Variants in CEMIP observed in about 807,000 individuals in gnomAD.
The protein encoded by CEMIP is cell migration-inducing and hyaluronan-binding protein.
A neutral mutation model predicts 156.9 loss-of-function variants in CEMIP; 105 were observed. That is an observed-to-expected ratio of 0.67 (90% CI 0.57 to 0.79). CEMIP has a LOEUF of 0.79. Ranked by LOEUF, CEMIP falls within the 30% of genes least tolerant of loss-of-function variation. CEMIP has a pLI of 0.00. For synonymous variants in CEMIP, 676 were observed against 668.4 expected (o/e 1.01, Z -0.17); for missense variants, 1,457 against 1,769.4 (o/e 0.82, Z 3.17).
chr15:80,932,361 T>C lies in CEMIP; in HGVS notation c.2793+322T>C, dbSNP rs139871929. ...AGGGACTTGACTTTGACAAACTGAG[T>C]CTTCTGACCAGGCCACCTGAGTTGG... On this transcript the variant is annotated intron_variant, in intron 22 of 29. Coordinates refer to ENST00000394685, the MANE Select transcript of CEMIP (RefSeq NM_001293298.2). This position sits in a 1 kb window ranked among gnomAD's most constrained non-coding sequence, Gnocchi z 4.5. 6.6e-6 allele frequency among the ~76,000 whole-genome samples: 1 copy of C among 152,088 alleles called. No homozygotes were observed. The highest frequency in any genetic ancestry group is 2.4e-5 in the African/African-American group (1 of 41,482).
chr15:80,831,087 G>A (rs2141678217), intron 1 of CEMIP, among the ~76,000 whole-genome samples: 1 of 152,290 alleles, frequency 6.6e-6, no homozygotes, highest in East Asian at 1.9e-4. Flanking sequence ...CCTTGGTCTA[G>A]CCTTCCAACC....
Position 80,921,015 on chromosome 15 carries a change from C to T in CEMIP, c.2004-17C>T, listed in dbSNP as rs1900451776. On this transcript the variant is annotated splice_polypyrimidine_tract_variant and intron_variant, in intron 15 of 29. Coordinates refer to ENST00000394685, the MANE Select transcript of CEMIP (RefSeq NM_001293298.2). ...CGGCCCTTTATCTGATCTCAGGTAT[C>T]TCTGCCCTCCCTGCAGTGCTGTGTC... is the stretch of plus-strand genomic sequence containing the variant. 6.2e-7 allele frequency: 1 copy of T among 1,613,258 alleles called. No homozygotes were observed. The highest frequency in any genetic ancestry group is 8.5e-7 in the Non-Finnish European group (1 of 1,179,306).
intron 1 of CEMIP, among the ~76,000 whole-genome samples, chr15:80,841,746 G>A (rs1013206142): frequency 1.3e-5 from 2 of 152,166 alleles, no homozygotes; most frequent in Non-Finnish European, 2.9e-5. Context: ...GGCCAGGGCC[G>A]ACCAATCAGA....
At chr15:80,853,914 C>T (rs1168576392) in intron 1 of CEMIP, among the ~76,000 whole-genome samples, 2 of 152,244 alleles carry the variant, frequency 1.3e-5, no homozygotes, top group Non-Finnish European at 2.9e-5. Context: ...GTTATGGGAC[C>T]TTGGGGCAAG....
chr15:80,824,123 A>G (rs991762147), intron 1 of CEMIP, among the ~76,000 whole-genome samples: 2 of 152,196 alleles, frequency 1.3e-5, no homozygotes, highest in Non-Finnish European at 2.9e-5. Flanking sequence ...TTATCAGCGC[A>G]AGTGAGAAAG....
At chr15:80,800,545 A>C (rs1048982508) in intron 1 of CEMIP, among the ~76,000 whole-genome samples, 1 of 152,188 alleles carries the variant, frequency 6.6e-6, no homozygotes, top group Non-Finnish European at 1.5e-5. Context: ...AATCTTGGGA[A>C]AACCTTGATT....
At chr15:80,873,056 GTCCT>G (rs1355898395) in intron 1 of CEMIP, among the ~76,000 whole-genome samples, 1 of 152,126 alleles carries the variant, frequency 6.6e-6, no homozygotes, top group Non-Finnish European at 1.5e-5. Flanking sequence ...AAGTCTCTCT[GTCCT>G]TCCTTTAAGG....
chr15:80,787,422 C>T (rs145964236), intron 1 of CEMIP, among the ~76,000 whole-genome samples: 1 of 152,196 alleles, frequency 6.6e-6, no homozygotes, highest in African/African-American at 2.4e-5. Context: ...GCCTGGGGCT[C>T]CTTCTACTGG....
At chr15:80,829,254 T>C (rs1373978934) in intron 1 of CEMIP, among the ~76,000 whole-genome samples, 1 of 152,194 alleles carries the variant, frequency 6.6e-6, no homozygotes, top group Non-Finnish European at 1.5e-5. Flanking sequence ...TCTTTCCCGC[T>C]TGGGCCCTTC....
chr15:80,795,466 A>T (rs1896198279), intron 1 of CEMIP, among the ~76,000 whole-genome samples: 1 of 151,998 alleles, frequency 6.6e-6, no homozygotes, highest in South Asian at 2.1e-4. Context: ...AGGATGGTGG[A>T]TTGGACATAG....
chr15:80,824,225 T>C (rs1262945152), intron 1 of CEMIP, among the ~76,000 whole-genome samples: 2 of 152,142 alleles, frequency 1.3e-5, no homozygotes, highest in African/African-American at 2.4e-5. Context: ...GTGAGGGATG[T>C]TTGCTTTATA....
chr15:80,827,589 A>G (rs1238209982), intron 1 of CEMIP, among the ~76,000 whole-genome samples: 2 of 152,208 alleles, frequency 1.3e-5, no homozygotes, highest in Non-Finnish European at 2.9e-5. Flanking sequence ...ACTGTACTCC[A>G]GCCTGGGAGA....
intron 12 of CEMIP, among the ~76,000 whole-genome samples, chr15:80,900,326 AG>A (rs34321581): frequency 0.72 from 109,511 of 151,938 alleles, 40,313 homozygotes; most frequent in Non-Finnish European, 0.79. Flanking sequence ...GACAGAATGC[AG>A]GGGGGCAGCT....
At chr15:80,905,456 A>G (rs2141885041) in intron 12 of CEMIP, among the ~76,000 whole-genome samples, 1 of 152,344 alleles carries the variant, frequency 6.6e-6, no homozygotes, top group South Asian at 2.1e-4. Flanking sequence ...AGGCAGTTCT[A>G]AAGTTTGAAC....
intron 14 of CEMIP, among the ~76,000 whole-genome samples, chr15:80,916,519 G>C (rs755108601): frequency 5.9e-5 from 9 of 152,222 alleles, no homozygotes; most frequent in Non-Finnish European, 1.0e-4. Flanking sequence ...CATAGGGACT[G>C]AATGGCCACC....
chr15:80,808,188 A>T (rs200054942), intron 1 of CEMIP, among the ~76,000 whole-genome samples: 2 of 152,140 alleles, frequency 1.3e-5, no homozygotes, highest in African/African-American at 4.8e-5. Flanking sequence ...GTCATCCAAG[A>T]TCACCATGGC....
intron 25 of CEMIP, among the ~76,000 whole-genome samples, chr15:80,940,068 TATA>T (rs1292921824): frequency 1.3e-5 from 2 of 152,236 alleles, no homozygotes; most frequent in Non-Finnish European, 2.9e-5. Flanking sequence ...AGTGAATTCT[TATA>T]ATGATTCTTA....
chr15:80,808,780 G>A (rs1464178072), intron 1 of CEMIP, among the ~76,000 whole-genome samples: 3 of 87,548 alleles, frequency 3.4e-5, no homozygotes, highest in Non-Finnish European at 7.8e-5. Flanking sequence ...TAACATATGG[G>A]GAAGCCAAAA....
chr15:80,896,153 A>G (rs1019359988), intron 12 of CEMIP, 93 bp downstream of exon 12: 27 of 1,275,170 alleles, frequency 2.1e-5, no homozygotes, highest in Non-Finnish European at 3.1e-5. Flanking sequence ...TGTATCAGTC[A>G]GCTATGGCTG....
Sources: allele counts gnomAD v4.1 joint callset (sites outside exome capture counted in the v4.1 genomes callset), GRCh38; gene constraint gnomAD v4.1.1; non-coding constraint Gnocchi (gnomAD v3.1); transcripts MANE v1.5; gene names NCBI Gene and HGNC (gene_info 2026-07-23, HGNC 2026-07-21).